ZZEF1: variants seen among roughly 807,000 people sequenced by gnomAD.
ZZEF1 encodes zinc finger ZZ-type and EF-hand domain-containing protein 1.
In ZZEF1, 157 loss-of-function variants were observed where a neutral mutation model predicts 342.8. The ratio of observed to expected loss-of-function variants is 0.46; its 90% CI spans 0.40 to 0.52. The LOEUF is 0.52. Ranked by LOEUF, ZZEF1 falls within the 20% of genes least tolerant of loss-of-function variation. ZZEF1 has a pLI of 0.00. For missense variants in ZZEF1, 3,480 were observed against 3,725.6 expected, an observed-to-expected ratio of 0.93 and a Z score of 1.72; for synonymous variants, 1,505 against 1,429.1, an observed-to-expected ratio of 1.05 and a Z score of -1.20.
rs535444592 is a variant in ZZEF1, at chr17:4,066,886, T to C, written c.4155+277A>G. On this transcript the variant is annotated intron_variant, in intron 27 of 54. Transcript: ENST00000381638. The stretch of plus-strand genomic sequence containing the variant: ...GCTGAGACCTAAAACTGGCCATGGT[T>C]ACCTAGTATCTAAAGCGATGCTGTT... Among the ~76,000 whole-genome samples, 11 of 152,218 alleles carry C rather than the reference T, an allele frequency of 7.2e-5. No individual in the cohort carries two copies. The South Asian group carries it at 2.3e-3, about 32-fold the overall frequency.
rs527492485 is a variant in ZZEF1, at chr17:4,074,081, A to G, written c.3685+69T>C. On this transcript the variant is annotated intron_variant, in intron 24 of 54. Coordinates refer to ENST00000381638, the MANE Select transcript of ZZEF1 (RefSeq NM_015113.4). ...TGCCATTACGTGGAAACGACCTACAAGAGGGCAAGCGCGCATCTTGCACTT... is the reference window on the plus strand; with the variant it reads ...TGCCATTACGTGGAAACGACCTACAGGAGGGCAAGCGCGCATCTTGCACTT... The G allele has an allele frequency of 2.3e-4, 359 of 1,567,100 alleles. 5 individuals are homozygous for G. In the South Asian group the frequency reaches 3.9e-3, roughly 17 times the overall value.
In ZZEF1 at chr17:4,016,554, G is replaced by T; in HGVS notation, c.8002-88C>A. The T allele has an allele frequency of 2.0e-6, 3 of 1,484,384 alleles. No individual in the cohort carries two copies. Among genetic ancestry groups the T allele is most frequent in the Non-Finnish European group, 2.7e-6 (3 of 1,117,694 alleles). The allele number at this position is 1,484,384 out of a possible 1,614,324, so 92.0% of individuals were successfully genotyped here. ...TACTTCAACCCAAGCTCCACCCAAA[G>T]GTGCTGGCATCATCTTAGACCTAGG... On this transcript the variant is annotated intron_variant, in intron 48 of 54. Coordinates refer to ENST00000381638, the MANE Select transcript of ZZEF1 (RefSeq NM_015113.4). The surrounding 1 kb of genome is among the most constrained non-coding windows in gnomAD (Gnocchi z 4.4).
At chr17:4,036,817 A>G (rs12937688) in intron 39 of ZZEF1, among the ~76,000 whole-genome samples, 1 of 72,618 alleles carries the variant, frequency 1.4e-5, no homozygotes, top group Non-Finnish European at 2.5e-5. Flanking sequence ...ACACACACAC[A>G]CTCTCTCTCT....
chr17:4,067,118 A>G (rs200077339), intron 27 of ZZEF1, 45 bp downstream of exon 27: 2 of 1,514,834 alleles, frequency 1.3e-6, no homozygotes, highest in African/African-American at 2.8e-5. Context: ...ATATCACGGT[A>G]GAAAACCTAA....
Position 4,114,475 on chromosome 17 carries a change from AG to A in ZZEF1, c.695-6del. ...TAGTTAGATCTCCAGGGCTTTCTGT[AG>A]GGGAAACCAGAGTTGATTATATGAC... On this transcript the variant is annotated splice_polypyrimidine_tract_variant and splice_region_variant and intron_variant, in intron 3 of 54. Transcript: ENST00000381638. 1 of 1,508,170 alleles carries A rather than the reference AG, an allele frequency of 6.6e-7. No homozygotes were observed. 93.4% of individuals were successfully genotyped at this position (1,508,170 alleles called of 1,614,324 possible). A position where few individuals can be genotyped will look rare whatever the true frequency, so the allele number is the denominator to read the frequency against.
intron 39 of ZZEF1, among the ~76,000 whole-genome samples, chr17:4,036,776 T>TACACACACACACAC (rs761229612): frequency 1.2e-4 from 12 of 99,952 alleles, no homozygotes; most frequent in East Asian, 3.4e-4. Flanking sequence ...ATATATAGAA[T>TACACACACACACAC]ACACACACAC....
intron 42 of ZZEF1, among the ~76,000 whole-genome samples, chr17:4,026,099 T>G (rs569162763): frequency 6.6e-6 from 1 of 152,050 alleles, no homozygotes; most frequent in East Asian, 1.9e-4. Context: ...CACTCACGAG[T>G]CTGTGGCTGC....
chr17:4,116,269 G>T (rs199955102), intron 3 of ZZEF1, among the ~76,000 whole-genome samples: 1 of 152,160 alleles, frequency 6.6e-6, no homozygotes, highest in Non-Finnish European at 1.5e-5. Flanking sequence ...CAGAGATCAC[G>T]CCATTGCACT....
intron 1 of ZZEF1, among the ~76,000 whole-genome samples, chr17:4,127,357 C>T (rs547636063): frequency 4.6e-5 from 7 of 152,098 alleles, no homozygotes; most frequent in South Asian, 2.1e-4. Context: ...GAGAAAAGGG[C>T]GACAGCAGTG....
rs746077545 is a variant in ZZEF1 at position 4,064,516 on chromosome 17, T to A, written c.4563A>T (p.Thr1521=). ...GGGTGAAGGGAGGCCGGCGGGTGGG[T>A]GTGGAAGGTGACAAGGGCTCTTCAG... ...ATAEEPLSPS[T]PTRRPPFTRG... Residue 1521 remains threonine, a synonymous_variant, in exon 29 of 55, where the codon ACA becomes ACT. Coordinates refer to ENST00000381638, the MANE Select transcript of ZZEF1 (RefSeq NM_015113.4). The A allele has an allele frequency of 6.2e-7, 1 of 1,613,706 alleles. No individual in the cohort carries two copies. The highest frequency in any genetic ancestry group is 8.5e-7 in the Non-Finnish European group (1 of 1,179,930).
Position 4,006,756 on chromosome 17 carries a change from G to A in ZZEF1, c.*134C>T. 1.1e-6 allele frequency: 1 copy of A among 898,742 alleles called. No homozygotes were observed. The allele number at this position is 898,742 out of a possible 1,614,324, so 55.7% of individuals were successfully genotyped here. ...GGAGCTCTTGGAGACGTGGCTGCTT[G>A]GCATCCTAACTGGAGTGGTCAGCTC... On this transcript the variant is annotated 3_prime_UTR_variant, in exon 55 of 55. Transcript: ENST00000381638.
intron 14 of ZZEF1, 91 bp from the exon 15 acceptor site, chr17:4,086,746 A>G: frequency 4.6e-6 from 6 of 1,315,172 alleles, no homozygotes; most frequent in Non-Finnish European, 5.3e-6. Context: ...ACTTTCCTCT[A>G]GGCATCAGGC....
At chr17:4,028,507 C>T (rs1041749553) in intron 42 of ZZEF1, among the ~76,000 whole-genome samples, 9 of 151,164 alleles carry the variant, frequency 6.0e-5, no homozygotes, top group African/African-American at 2.2e-4. Flanking sequence ...CGAGATCACA[C>T]CACTGCACTC....
Position 4,064,363 on chromosome 17 carries a change from C to T in ZZEF1, c.4716G>A (p.Arg1572=), listed in dbSNP as rs1357114626. The T allele has an allele frequency of 5.7e-6, 9 of 1,577,244 alleles. No individual in the cohort carries two copies. In the Admixed American group the frequency reaches 1.4e-4, roughly 24 times the overall value. Residue 1572 remains arginine, a splice_region_variant and synonymous_variant, in exon 29 of 55, where the codon AGG becomes AGA. Transcript: ENST00000381638. Reference sequence around the variant, plus strand: ...CAGGAAGGTAACAACGGGCTTACCTCCTGTGCGAGAGCGACTGATCCTTAA... The same window carrying T: ...CAGGAAGGTAACAACGGGCTTACCTTCTGTGCGAGAGCGACTGATCCTTAA... ...DFIKDQSLSH[R]SVVKVLSLRK...
chr17:4,009,879 A>G (rs1289623671), intron 52 of ZZEF1, 122 bp from the exon 53 acceptor site: 1 of 1,215,822 alleles, frequency 8.2e-7, no homozygotes, highest in African/African-American at 1.5e-5. Context: ...AAATGATTAT[A>G]AAGTCGCCTC....
At position 4,050,861 on chromosome 17, in the gene ZZEF1, G is replaced by A. The variant is rs772878926; in HGVS notation, c.5783C>T (p.Thr1928Met). 4.3e-5 allele frequency: 69 copies of A among 1,614,198 alleles called. 1 individual carries two copies. Among genetic ancestry groups the A allele is most frequent in the Admixed American group, 5.0e-5 (3 of 60,026 alleles). The change falls in exon 36 of 55, where the codon ACG (threonine) becomes ATG (methionine). Residue 1928 changes from threonine to methionine, a missense_variant. Thr to Met is a moderately conservative substitution (Grantham distance 81). Around this residue, in one of 5 missense-constraint regions of ZZEF1, gnomAD observed 1,269 missense variants for 1,342.4 expected, o/e 0.95. Coordinates refer to ENST00000381638, the MANE Select transcript of ZZEF1 (RefSeq NM_015113.4). ...DVDGEKLDPQTRSSATTLRSQ... is the reference protein window; with the variant it reads ...DVDGEKLDPQMRSSATTLRSQ... ...CCGCAGGGTGGTGGCACTGCTGCGC[G>A]TCTGGGGGTCCAGCTTCTCCCCATC...
chr17:4,069,652 G>A (rs975209594), intron 26 of ZZEF1, among the ~76,000 whole-genome samples: 5 of 152,280 alleles, frequency 3.3e-5, no homozygotes, highest in Non-Finnish European at 5.9e-5. Flanking sequence ...CCAACAGGGC[G>A]AAACCCCGTC....
intron 2 of ZZEF1, 44 bp from the exon 3 acceptor site, chr17:4,117,210 G>A (rs2058410340): frequency 6.5e-7 from 1 of 1,540,848 alleles, no homozygotes; most frequent in African/African-American, 1.4e-5. Context: ...GGAAGCCACA[G>A]TAGTTTCCAC....
intron 2 of ZZEF1, among the ~76,000 whole-genome samples, chr17:4,123,367 C>A (rs1167252997): frequency 6.9e-6 from 1 of 145,702 alleles, no homozygotes; most frequent in Non-Finnish European, 1.5e-5. Context: ...CAGGCACCCA[C>A]TGGGGGTGCT....
Sources: allele counts gnomAD v4.1 joint callset (sites outside exome capture counted in the v4.1 genomes callset), GRCh38; gene constraint gnomAD v4.1.1; regional missense constraint gnomAD v4.1.1; non-coding constraint Gnocchi (gnomAD v3.1); transcripts MANE v1.5; gene names NCBI Gene and HGNC (gene_info 2026-07-23, HGNC 2026-07-21).